The following KIAA1217 variants were observed in gnomAD, a reference collection of about 807,000 sequenced individuals.
KIAA1217 encodes KIAA1217, also known as sickle tail protein homolog.
Under a neutral mutation model 163.9 loss-of-function variants are expected in KIAA1217, and 88 were observed. The ratio of observed to expected loss-of-function variants is 0.54; its 90% confidence interval spans 0.45 to 0.64. The LOEUF (loss-of-function observed/expected upper bound fraction) is 0.64. Among genes scored for constraint, KIAA1217 ranks in the 30% least tolerant of loss-of-function variants. The probability of loss-of-function intolerance (pLI) is 0.00; values close to 1 mark genes in which losing one functional copy is unlikely to be tolerated. For synonymous variants in KIAA1217, 903 were observed against 923.1 expected (o/e 0.98, Z 0.39); for missense variants, 2,372 against 2,475.0 (o/e 0.96, Z 0.88).
At chr10:24,221,144 T>C (rs2130878445) in intron 2 of KIAA1217, among the ~76,000 whole-genome samples, 1 of 152,304 alleles carries the variant, frequency 6.6e-6, no homozygotes, top group East Asian at 1.9e-4. Context: ...CTGTTTCCTC[T>C]GGTTATTTTG....
Position 23,985,780 on chromosome 10 carries a change from G to T in KIAA1217, c.-320-21445G>T, listed in dbSNP as rs1028245546. Among the ~76,000 whole-genome samples, 7 of 152,254 alleles carry T rather than the reference G, an allele frequency of 4.6e-5. No homozygotes were observed. The South Asian group carries it at 6.2e-4, about 14-fold the overall frequency. ...TGCTGCATGTTTCCTTATTCTCCTT[G>T]GTCCAATGGCTTCCTTTCTTCTCAT... On this transcript the variant is annotated intron_variant, in intron 1 of 18. Coordinates refer to the KIAA1217 transcript ENST00000376462.
At chr10:23,733,951 A>T (rs929981930) in intron 1 of KIAA1217, among the ~76,000 whole-genome samples, 1 of 152,150 alleles carries the variant, frequency 6.6e-6, no homozygotes, top group African/African-American at 2.4e-5. Flanking sequence ...TTTTCAGTAT[A>T]TCTATATATT....
At chr10:24,376,986 G>A (rs1206759613) in intron 2 of KIAA1217, among the ~76,000 whole-genome samples, 1 of 152,130 alleles carries the variant, frequency 6.6e-6, no homozygotes, top group Non-Finnish European at 1.5e-5. Context: ...GTTATGTTGG[G>A]TCCTTTATTT....
intron 1 of KIAA1217, among the ~76,000 whole-genome samples, chr10:23,947,472 G>A (rs985404461): frequency 1.3e-5 from 2 of 151,988 alleles, no homozygotes; most frequent in African/African-American, 4.8e-5. Flanking sequence ...CCTTTTAGCC[G>A]GTCCTATACA....
intron 2 of KIAA1217, among the ~76,000 whole-genome samples, chr10:24,235,226 A>G (rs2072061811): frequency 6.6e-6 from 1 of 152,240 alleles, no homozygotes; most frequent in South Asian, 2.1e-4. Context: ...AGCAACATCT[A>G]CACTGGTGTT....
intron 1 of KIAA1217, among the ~76,000 whole-genome samples, chr10:23,933,203 G>A (rs1358521088): frequency 6.6e-6 from 1 of 152,216 alleles, no homozygotes; most frequent in African/African-American, 2.4e-5. Flanking sequence ...TGCAAGCTGT[G>A]TAATCACATT....
chr10:24,282,003 G>A (rs2077994955), intron 2 of KIAA1217, among the ~76,000 whole-genome samples: 1 of 152,064 alleles, frequency 6.6e-6, no homozygotes, highest in Admixed American at 6.6e-5. Context: ...CTTGCAGTGA[G>A]CGGAGATCAC....
At chr10:23,919,359 A>G (rs1842758630) in intron 1 of KIAA1217, among the ~76,000 whole-genome samples, 1 of 151,914 alleles carries the variant, frequency 6.6e-6, no homozygotes, top group Admixed American at 6.6e-5. Context: ...TAATCCCAGC[A>G]CTTTGGGAGG....
chr10:24,545,203 C>T (rs574127891), intron 20 of KIAA1217, 100 bp downstream of exon 20: 8 of 1,532,650 alleles, frequency 5.2e-6, no homozygotes, highest in East Asian at 2.3e-5. Context: ...TGTAAGATAA[C>T]GGTTTACATA....
intron 1 of KIAA1217, among the ~76,000 whole-genome samples, chr10:23,720,033 T>A (rs1358123487): frequency 6.7e-6 from 1 of 150,144 alleles, no homozygotes; most frequent in East Asian, 2.0e-4. Context: ...GGGGGGAGGG[T>A]GGTGGAATAA....
At chr10:24,096,472 A>G (rs948136614) in intron 2 of KIAA1217, among the ~76,000 whole-genome samples, 1 of 152,140 alleles carries the variant, frequency 6.6e-6, no homozygotes, top group African/African-American at 2.4e-5. Flanking sequence ...TTTGAAACAC[A>G]ATAAATTGTT....
At chr10:24,244,019 A>G (rs1164008291) in intron 2 of KIAA1217, among the ~76,000 whole-genome samples, 1 of 152,218 alleles carries the variant, frequency 6.6e-6, no homozygotes, top group Non-Finnish European at 1.5e-5. Context: ...TCCTGCCTGG[A>G]TTCGGATCCT....
rs78797781 is a variant in KIAA1217, at chr10:24,295,936, G to C, written c.354+76027G>C. 3.2e-4 allele frequency among the ~76,000 whole-genome samples: 48 copies of C among 152,192 alleles called. No homozygotes were observed. The East Asian group carries it at 8.5e-3, about 27-fold the overall frequency. On this transcript the variant is annotated intron_variant, in intron 2 of 20. Transcript: ENST00000376454. ...AAACGTATATCTCCTTATGCAAATTGTAAGTTCTTTGAAGGCAGGGTCCAT... is the reference window on the plus strand; with the variant it reads ...AAACGTATATCTCCTTATGCAAATTCTAAGTTCTTTGAAGGCAGGGTCCAT...
intron 2 of KIAA1217, among the ~76,000 whole-genome samples, chr10:24,340,378 C>G (rs577440874): frequency 6.6e-6 from 1 of 152,126 alleles, no homozygotes. Context: ...AAGGGTTAAC[C>G]CTTTCACTTG....
intron 1 of KIAA1217, among the ~76,000 whole-genome samples, chr10:23,702,977 C>T (rs1302503878): frequency 2.0e-5 from 3 of 152,066 alleles, no homozygotes; most frequent in Non-Finnish European, 4.4e-5. Flanking sequence ...CCGCCCGCCT[C>T]GGCCTCCCAA....
At chr10:23,862,500 T>C (rs987684171) in intron 1 of KIAA1217, among the ~76,000 whole-genome samples, 1 of 152,164 alleles carries the variant, frequency 6.6e-6, no homozygotes, top group Non-Finnish European at 1.5e-5. Context: ...AGCTTTTATC[T>C]CTCTCTTTGG....
At chr10:23,909,171 G>A (rs1384679792) in intron 1 of KIAA1217, among the ~76,000 whole-genome samples, 1 of 152,052 alleles carries the variant, frequency 6.6e-6, no homozygotes, top group Non-Finnish European at 1.5e-5. Context: ...AAAGGCATAA[G>A]AATGACACAA....
intron 1 of KIAA1217, among the ~76,000 whole-genome samples, chr10:23,851,553 G>A (rs1166383937): frequency 6.6e-6 from 1 of 152,262 alleles, no homozygotes; most frequent in Non-Finnish European, 1.5e-5. Context: ...GGGTCAAATG[G>A]TATTTCTAGT....
At chr10:24,477,951 G>T (rs1005794874) in intron 6 of KIAA1217, among the ~76,000 whole-genome samples, 1 of 152,182 alleles carries the variant, frequency 6.6e-6, no homozygotes, top group African/African-American at 2.4e-5. Context: ...GCACAGGGTC[G>T]TATAAAGAAC....
Sources: allele counts gnomAD v4.1 joint callset (sites outside exome capture counted in the v4.1 genomes callset), GRCh38; gene constraint gnomAD v4.1.1; transcripts MANE v1.5; gene names NCBI Gene and HGNC (gene_info 2026-07-23, HGNC 2026-07-21).